ANO5: variants seen among roughly 807,000 people sequenced by gnomAD.
The protein encoded by ANO5 is anoctamin-5.
Under a neutral mutation model 121.0 loss-of-function variants are expected in ANO5, and 109 were observed. The observed-to-expected ratio is 0.90, with a 90% CI of 0.77 to 1.06. ANO5 has a LOEUF of 1.06. ANO5 is among the 50% of genes least tolerant of loss of function. The pLI is 0.00. For synonymous variants in ANO5, 406 were observed against 359.9 expected (o/e 1.13, Z -1.45); for missense variants, 1,064 against 1,078.5 (o/e 0.99, Z 0.19).
At position 22,279,864 on chromosome 11, in the gene ANO5, C is replaced by A. The variant is rs1215259757; in HGVS notation, c.*99C>A. 7 of 732,444 alleles carry A rather than the reference C, an allele frequency of 9.6e-6. No individual in the cohort carries two copies. Among genetic ancestry groups the A allele is most frequent in the East Asian group, 3.0e-5 (1 of 32,914 alleles). The allele number at this position is 732,444 out of a possible 1,614,324, so 45.4% of individuals were successfully genotyped here. On this transcript the variant is annotated 3_prime_UTR_variant, in exon 22 of 22. Transcript: ENST00000324559. ...AAGCCATGTGTCAATTTTACCCTTT[C>A]TTTTTTTTTTTTTTCTTTTTTTTTT...
At chr11:22,234,744 T>C (rs372628142) in intron 7 of ANO5, among the ~76,000 whole-genome samples, 11 of 152,284 alleles carry the variant, frequency 7.2e-5, no homozygotes, top group African/African-American at 2.6e-4. Flanking sequence ...CTTCCTTTTG[T>C]TGTTATTAAC....
Position 22,279,655 on chromosome 11 carries a change from G to A in ANO5, c.2632G>A (p.Asp878Asn), listed in dbSNP as rs1855001921. Residue 878 changes from aspartate to asparagine, a missense_variant, in exon 22 of 22, where the codon GAT becomes AAT. Coordinates refer to ENST00000324559, the MANE Select transcript of ANO5 (RefSeq NM_213599.3). ...EKLMTIKILHDFELNKLKENL... is the reference protein window; with the variant it reads ...EKLMTIKILHNFELNKLKENL... ...GTTAATGACTATCAAGATTCTCCAT[G>A]ATTTTGAGCTCAACAAATTAAAAGA... is the stretch of plus-strand genomic sequence containing the variant. 1 of 1,612,674 alleles carries A rather than the reference G, an allele frequency of 6.2e-7. No homozygotes were observed. Among genetic ancestry groups the A allele is most frequent in the Non-Finnish European group, 8.5e-7 (1 of 1,179,082 alleles).
intron 9 of ANO5, among the ~76,000 whole-genome samples, chr11:22,243,812 G>A (rs1214710529): frequency 6.6e-6 from 1 of 151,806 alleles, no homozygotes; most frequent in Non-Finnish European, 1.5e-5. Context: ...TTTTTTCTTT[G>A]TTAATATAGC....
At position 22,262,926 on chromosome 11, in the gene ANO5, C is replaced by T. The variant is rs1284227175; in HGVS notation, c.1801-20C>T. ...CTTTGATCATTCAATTCTGTTTTCTCCCCTCTTGCTTCTGACTAGTGTGAT... is the reference window on the plus strand; with the variant it reads ...CTTTGATCATTCAATTCTGTTTTCTTCCCTCTTGCTTCTGACTAGTGTGAT... On this transcript the variant is annotated intron_variant, in intron 16 of 21. Coordinates refer to ENST00000324559, the MANE Select transcript of ANO5 (RefSeq NM_213599.3). 3 of 1,561,372 alleles carry T rather than the reference C, an allele frequency of 1.9e-6. No homozygotes were observed. The highest frequency in any genetic ancestry group is 1.1e-5 in the South Asian group (1 of 89,990).
intron 6 of ANO5, 89 bp downstream of exon 6, chr11:22,226,141 T>C (rs1475368144): frequency 3.7e-6 from 4 of 1,067,524 alleles, no homozygotes; most frequent in African/African-American, 1.6e-5. Flanking sequence ...ACTCTGTGTT[T>C]GGGGGCAATA....
intron 17 of ANO5, 141 bp from the exon 18 acceptor site, chr11:22,270,171 G>C: frequency 1.8e-6 from 2 of 1,096,750 alleles, no homozygotes; most frequent in Non-Finnish European, 2.6e-6. Context: ...TTGCGCTTTG[G>C]CTGGTGTCAT....
intron 19 of ANO5, among the ~76,000 whole-genome samples, chr11:22,273,967 A>G (rs77564088): frequency 0.017 from 2,522 of 152,228 alleles, 68 homozygotes; most frequent in African/African-American, 0.057. Flanking sequence ...TAAAATTATA[A>G]GTGCCAGAGC....
At chr11:22,219,596 G>A (rs565423611) in intron 4 of ANO5, among the ~76,000 whole-genome samples, 2 of 152,156 alleles carry the variant, frequency 1.3e-5, no homozygotes, top group Admixed American at 1.3e-4. Context: ...TTTAGTCTAA[G>A]TAGTATATTA....
chr11:22,251,068 C>A, intron 12 of ANO5, 57 bp downstream of exon 12: 1 of 1,471,430 alleles, frequency 6.8e-7, no homozygotes, highest in Non-Finnish European at 9.4e-7. Flanking sequence ...GTTGTTTTGC[C>A]TCCATATAAC....
chr11:22,251,872 C>CA (rs773301483), intron 12 of ANO5, among the ~76,000 whole-genome samples: 4 of 149,796 alleles, frequency 2.7e-5, no homozygotes, highest in East Asian at 2.0e-4. Context: ...TAAAAAATAC[C>CA]AAAAAAAATT....
intron 17 of ANO5, among the ~76,000 whole-genome samples, chr11:22,268,508 G>T (rs1854452942): frequency 6.6e-6 from 1 of 151,994 alleles, no homozygotes; most frequent in Non-Finnish European, 1.5e-5. Flanking sequence ...CCCTAATATT[G>T]TTTCTACTCA....
At chr11:22,273,883 TC>T (rs1854728578) in intron 19 of ANO5, among the ~76,000 whole-genome samples, 1 of 152,080 alleles carries the variant, frequency 6.6e-6, no homozygotes, top group African/African-American at 2.4e-5. Context: ...CCAGATCTAT[TC>T]AGTGAGTAAT....
Position 22,270,661 on chromosome 11 carries a change from C to T in ANO5, c.2029+219C>T, listed in dbSNP as rs7925323. Among the ~76,000 whole-genome samples the T allele has an allele frequency of 0.017, 2,523 of 152,258 alleles. 68 individuals are homozygous for T. Among genetic ancestry groups the T allele is most frequent in the African/African-American group, 0.057 (2,381 of 41,534 alleles). ...AAGTTTAGCTTCAAAACACCAATCT[C>T]AGAGACATAATTCCTGTTAATTGAA... On this transcript the variant is annotated intron_variant, in intron 18 of 21. Coordinates refer to ENST00000324559, the MANE Select transcript of ANO5 (RefSeq NM_213599.3).
intron 9 of ANO5, among the ~76,000 whole-genome samples, chr11:22,242,993 A>G (rs979681749): frequency 6.6e-6 from 1 of 152,076 alleles, no homozygotes; most frequent in Admixed American, 6.6e-5. Flanking sequence ...CTCAAGGGGA[A>G]TGATTCCAGC....
rs1285444795 is a variant in ANO5 at position 22,279,625 on chromosome 11, G to T, written c.2602G>T (p.Glu868Ter). 1 of 1,613,022 alleles carries T rather than the reference G, an allele frequency of 6.2e-7. No homozygotes were observed. The highest frequency in any genetic ancestry group is 2.2e-5 in the East Asian group (1 of 44,832). Residue 868 changes from glutamate to a stop codon, truncating the protein, a stop_gained, in exon 22 of 22, where the codon GAA (glutamate) becomes TAA (stop). Coordinates refer to ENST00000324559, the MANE Select transcript of ANO5 (RefSeq NM_213599.3). LOFTEE classifies it low-confidence loss of function (END_TRUNC). ...PKDVVERIKREKLMTIKILHD... is the reference protein window; with the variant it reads ...PKDVVERIKR ...AGATGTTGTGGAGAGAATCAAGAGA[G>T]AAAAGTTAATGACTATCAAGATTCT...
rs1448955866 is a variant in ANO5, at chr11:22,281,075, T to C, written c.*1310T>C. 4 of 152,010 alleles carry C rather than the reference T, an allele frequency of 2.6e-5. No homozygotes were observed. Among genetic ancestry groups the C allele is most frequent in the African/African-American group, 9.7e-5 (4 of 41,442 alleles). The allele number at this position is 152,010 out of a possible 1,614,324, so 9.4% of individuals were successfully genotyped here. The stretch of plus-strand genomic sequence containing the variant: ...TGTTTTCACTTAAAAAAACTAAATA[T>C]GTATAACTTTGTGTATACACACACA... On this transcript the variant is annotated 3_prime_UTR_variant, in exon 22 of 22. Coordinates refer to ENST00000324559, the MANE Select transcript of ANO5 (RefSeq NM_213599.3).
intron 19 of ANO5, among the ~76,000 whole-genome samples, chr11:22,273,516 A>C (rs1259284517): frequency 6.6e-6 from 1 of 152,152 alleles, no homozygotes; most frequent in Non-Finnish European, 1.5e-5. Context: ...CATAGAGCTT[A>C]ATTTAAATGA....
At chr11:22,260,000 C>G (rs1440771729) in intron 15 of ANO5, among the ~76,000 whole-genome samples, 1 of 149,574 alleles carries the variant, frequency 6.7e-6, no homozygotes, top group African/African-American at 2.4e-5. Context: ...GTATCCTTGT[C>G]TTAATTCTCC....
rs1049724437 is a variant in ANO5, at chr11:22,279,914, T to C, written c.*149T>C. The C allele has an allele frequency of 5.0e-5, 34 of 682,556 alleles. No individual in the cohort carries two copies. The highest frequency in any genetic ancestry group is 7.1e-5 in the Non-Finnish European group (29 of 410,098). 42.3% of individuals were successfully genotyped at this position (682,556 alleles called of 1,614,324 possible). A position where few individuals can be genotyped will look rare whatever the true frequency, so the allele number is the denominator to read the frequency against. On this transcript the variant is annotated 3_prime_UTR_variant, in exon 22 of 22. Coordinates refer to ENST00000324559, the MANE Select transcript of ANO5 (RefSeq NM_213599.3). Reference sequence around the variant, plus strand: ...TTAAACTCAAAGTTTTTATACACTTTTATAGAGGCCAACTTTGTGATGTTG... The same window carrying C: ...TTAAACTCAAAGTTTTTATACACTTCTATAGAGGCCAACTTTGTGATGTTG...
Sources: gnomAD v4.1 joint callset for allele counts (sites outside exome capture counted in the v4.1 genomes callset) on GRCh38, gnomAD v4.1.1 for gene constraint, MANE v1.5 for transcripts, NCBI Gene and HGNC (gene_info 2026-07-23, HGNC 2026-07-21) for gene names.